The following LAMB1 variants were observed in gnomAD, a reference collection of about 807,000 sequenced individuals.
LAMB1 encodes laminin subunit beta-1.
In LAMB1, 121 loss-of-function variants were observed where a neutral mutation model predicts 222.3. The observed-to-expected ratio is 0.54, with a 90% CI of 0.47 to 0.63. The LOEUF (loss-of-function observed/expected upper bound fraction) is 0.63. Ranked by LOEUF, LAMB1 falls within the 30% of genes least tolerant of loss-of-function variation. The pLI, the probability that LAMB1 is intolerant of heterozygous loss-of-function variation, is 0.00. For synonymous variants in LAMB1, 794 were observed against 807.2 expected (o/e 0.98, Z 0.28); for missense variants, 2,172 against 2,240.8 (o/e 0.97, Z 0.62).
At chr7:107,963,421 T>G (rs1241497219) in intron 14 of LAMB1, among the ~76,000 whole-genome samples, 2 of 152,298 alleles carry the variant, frequency 1.3e-5, no homozygotes, top group South Asian at 4.1e-4. Context: ...AGATTCTCCA[T>G]AAGGTTAGTC....
chr7:107,972,293 T>C (rs955702593), intron 13 of LAMB1, among the ~76,000 whole-genome samples: 5 of 152,234 alleles, frequency 3.3e-5, no homozygotes, highest in Non-Finnish European at 7.3e-5. Flanking sequence ...GCTTGCTCAA[T>C]GAATTCAGAG....
intron 5 of LAMB1, among the ~76,000 whole-genome samples, chr7:107,986,753 C>T (rs2034086392): frequency 6.6e-6 from 1 of 152,174 alleles, no homozygotes; most frequent in South Asian, 2.1e-4. Flanking sequence ...ATGACTACCT[C>T]CTTAGTATCA....
At chr7:107,942,618 A>C (rs2033018030) in intron 24 of LAMB1, 1 of 152,202 alleles carries the variant, frequency 6.6e-6, no homozygotes, top group Non-Finnish European at 1.5e-5. Flanking sequence ...CGTCTTCCAC[A>C]TCTGTAAGAA....
At chr7:107,924,208 A>T (rs761570704) in intron 33 of LAMB1, 22 bp downstream of exon 33, 1 of 1,577,892 alleles carries the variant, frequency 6.3e-7, no homozygotes, top group Non-Finnish European at 8.6e-7. Context: ...TTTAAAAAAT[A>T]AGCCTGTGTG....
chr7:107,937,058 A>G (rs751915166), intron 26 of LAMB1, 35 bp downstream of exon 26: 4 of 1,549,052 alleles, frequency 2.6e-6, no homozygotes, highest in Middle Eastern at 1.7e-4. Context: ...CGTTAAATCC[A>G]TTGTCTGGGA....
chr7:108,002,742 C>A, intron 2 of LAMB1, 107 bp downstream of exon 2: 2 of 1,475,106 alleles, frequency 1.4e-6, no homozygotes. Flanking sequence ...CCATCCAGTC[C>A]CTCTCCCAAG....
In LAMB1 at chr7:107,993,886, G is replaced by A. The variant is rs538737289; in HGVS notation, c.423+1001C>T. Among the ~76,000 whole-genome samples, 6 of 152,266 alleles carry A rather than the reference G, an allele frequency of 3.9e-5. No homozygotes were observed. In the East Asian group the frequency reaches 9.7e-4, roughly 25 times the overall value. On this transcript the variant is annotated intron_variant, in intron 5 of 33. Coordinates refer to ENST00000222399, the MANE Select transcript of LAMB1 (RefSeq NM_002291.3). ...CTCCAGCAGGAACAGCAGGCTGCTG[G>A]GGAGTGGGCAAGGGGATAAAGGCTC... is the stretch of plus-strand genomic sequence containing the variant.
In LAMB1 at chr7:107,929,013, A is replaced by G. The variant is rs371068396; in HGVS notation, c.4887+51T>C. On this transcript the variant is annotated intron_variant, in intron 31 of 33. Transcript: ENST00000222399. ...TAGATAACAAATGTACTTTTCTGGT[A>G]AGTGTATATGTAGGTGTGTTCCCAT... The G allele has an allele frequency of 9.1e-6, 14 of 1,533,120 alleles. No homozygotes were observed. In the African/African-American group the frequency reaches 1.8e-4, roughly 20 times the overall value. 95.0% of individuals were successfully genotyped at this position (1,533,120 alleles called of 1,614,324 possible).
intron 7 of LAMB1, among the ~76,000 whole-genome samples, chr7:107,983,509 G>A (rs113746698): frequency 0.015 from 2,262 of 147,940 alleles, 61 homozygotes; most frequent in African/African-American, 0.052. Flanking sequence ...TATGATTTAT[G>A]AACACATTTA....
At chr7:107,933,442 C>G (rs1229265521) in intron 27 of LAMB1, among the ~76,000 whole-genome samples, 1 of 152,058 alleles carries the variant, frequency 6.6e-6, no homozygotes. Context: ...AGTCATTTAT[C>G]TGGCTTACAA....
rs2034419652 is a variant in LAMB1 at position 108,002,955 on chromosome 7, T to A, written c.-70A>T. On this transcript the variant is annotated 5_prime_UTR_variant, in exon 2 of 34. Coordinates refer to ENST00000222399, the MANE Select transcript of LAMB1 (RefSeq NM_002291.3). ...GACGCCCGCCGAGCCGCCTGCCCTT[T>A]CTTCCCGTCTTCCTTTCTGGAGAGG... 6.2e-7 allele frequency: 1 copy of A among 1,607,422 alleles called. No homozygotes were observed. Among genetic ancestry groups the A allele is most frequent in the Non-Finnish European group, 8.5e-7 (1 of 1,178,332 alleles).
At chr7:107,944,750 C>T (rs188328235) in intron 24 of LAMB1, among the ~76,000 whole-genome samples, 2 of 152,298 alleles carry the variant, frequency 1.3e-5, no homozygotes, top group Admixed American at 6.5e-5. Context: ...CCCACACTCA[C>T]GTGGCTGAAG....
chr7:107,972,851 G>A, intron 13 of LAMB1, 141 bp downstream of exon 13: 3 of 675,672 alleles, frequency 4.4e-6, no homozygotes, highest in Admixed American at 4.3e-5. Context: ...CTAGTCCATA[G>A]AGGTACCTAC....
At chr7:107,961,518 C>T (rs1448953159) in intron 16 of LAMB1, 31 bp downstream of exon 16, 13 of 1,601,532 alleles carry the variant, frequency 8.1e-6, no homozygotes, top group East Asian at 4.5e-5. Context: ...ATATGAAGCC[C>T]GTTGAGCTGC....
In LAMB1 at chr7:107,964,552, A is replaced by AG. The variant is rs753587219; in HGVS notation, c.1697dup (p.Gly567TrpfsTer3). 2 of 1,613,972 alleles carry AG rather than the reference A, an allele frequency of 1.2e-6. No homozygotes were observed. On this transcript the variant is annotated frameshift_variant and splice_region_variant, in exon 14 of 34. Transcript: ENST00000222399. LOFTEE classifies it high-confidence loss of function. ...ACCTGCCACACACTCCCCTACTCAC[A>AG]GGCCCCAAGTTGGCTTCCTCCGCTT...
chr7:107,974,817 A>G lies in LAMB1; in HGVS notation c.1482+169T>C, dbSNP rs117319602. ...TACACTTCTAACAGGGATGGTGAAC[A>G]TCTTGTGAAATCATCCATTAGTAAT... On this transcript the variant is annotated intron_variant, in intron 12 of 33. Transcript: ENST00000222399. 2.9e-3 allele frequency among the ~76,000 whole-genome samples: 443 copies of G among 152,364 alleles called. 13 individuals are homozygous for G. In the East Asian group the frequency reaches 0.066, roughly 23 times the overall value.
intron 7 of LAMB1, 40 bp from the exon 8 acceptor site, chr7:107,980,851 A>G (rs371048558): frequency 1.5e-6 from 2 of 1,319,696 alleles, no homozygotes; most frequent in Non-Finnish European, 2.1e-6. Context: ...CTGATCAGAC[A>G]AGCAAGAAGT....
intron 32 of LAMB1, among the ~76,000 whole-genome samples, chr7:107,925,451 A>AT (rs1472945626): frequency 2.6e-5 from 4 of 152,216 alleles, no homozygotes; most frequent in Admixed American, 1.3e-4. Flanking sequence ...GAACAGTTTC[A>AT]TCCTGAAACC....
intron 12 of LAMB1, among the ~76,000 whole-genome samples, chr7:107,974,758 T>C (rs1201806780): frequency 1.3e-5 from 2 of 152,254 alleles, no homozygotes; most frequent in Non-Finnish European, 2.9e-5. Flanking sequence ...GTTAATTGTG[T>C]CTATAAAAGT....
Sources: gnomAD v4.1 joint callset for allele counts (sites outside exome capture counted in the v4.1 genomes callset) on GRCh38, gnomAD v4.1.1 for gene constraint, MANE v1.5 for transcripts, NCBI Gene and HGNC (gene_info 2026-07-23, HGNC 2026-07-21) for gene names.